The following ZSCAN25 variants were observed in gnomAD, a reference collection of about 807,000 sequenced individuals.
The protein encoded by ZSCAN25 is zinc finger and SCAN domain-containing protein 25.
Under a neutral mutation model 38.7 loss-of-function variants are expected in ZSCAN25, and 27 were observed. The ratio of observed to expected loss-of-function variants is 0.70; its 90% CI spans 0.51 to 0.96. The LOEUF is 0.96. Among genes scored for constraint, ZSCAN25 ranks in the 40% least tolerant of loss-of-function variants. The pLI is 0.00. For missense variants in ZSCAN25, 637 were observed against 705.9 expected (o/e 0.90, Z 1.11); for synonymous variants, 273 against 277.7 (o/e 0.98, Z 0.17).
At chr7:99,636,700 ATGC>A (rs902663925), downstream of ZSCAN25, among the ~76,000 whole-genome samples, 16 of 152,232 alleles carry the variant, frequency 1.1e-4, no homozygotes, top group African/African-American at 3.9e-4. Flanking sequence ...TAGGAGCCAG[ATGC>A]TGCTTTACAA....
At chr7:99,681,949 TTTCAGTTTTG>T in the ZSCAN25 span, among the ~76,000 whole-genome samples, 13 of 152,228 alleles carry the variant, frequency 8.5e-5, no homozygotes, top group African/African-American at 3.1e-4. Context: ...AGGTCTCAGA[TTTCAGTTTTG>T]TTTTTTGTTT....
the ZSCAN25 span, chr7:99,680,075 C>A: frequency 1.5e-5 from 9 of 611,178 alleles, no homozygotes; most frequent in African/African-American, 3.7e-5. Flanking sequence ...AGCAAAGAAT[C>A]GCACACACCC....
At chr7:99,685,244 G>A in the ZSCAN25 span, 5 of 1,613,294 alleles carry the variant, frequency 3.1e-6, no homozygotes, top group Middle Eastern at 3.3e-4. Flanking sequence ...ATCTGCAACA[G>A]TTAAACAAGC....
chr7:99,687,359 G>A, the ZSCAN25 span, among the ~76,000 whole-genome samples: 1 of 152,246 alleles, frequency 6.6e-6, no homozygotes, highest in African/African-American at 2.4e-5. Context: ...CAAGGATTGA[G>A]AACTACATGA....
At chr7:99,651,334 A>G in the ZSCAN25 span, among the ~76,000 whole-genome samples, 1 of 152,234 alleles carries the variant, frequency 6.6e-6, no homozygotes, top group African/African-American at 2.4e-5. Context: ...ATGGATTTAT[A>G]TAAATCATAT....
chr7:99,666,097 C>T, the ZSCAN25 span, among the ~76,000 whole-genome samples: 3 of 152,148 alleles, frequency 2.0e-5, no homozygotes, highest in Non-Finnish European at 2.9e-5. Flanking sequence ...GCATTTCTAG[C>T]ACCCTTTCTT....
the ZSCAN25 span, chr7:99,666,930 A>G: frequency 6.2e-7 from 1 of 1,610,468 alleles, no homozygotes; most frequent in Non-Finnish European, 8.5e-7. Flanking sequence ...ATTTCTAATT[A>G]AGACTCATCT....
chr7:99,657,607 T>G, the ZSCAN25 span, among the ~76,000 whole-genome samples: 1 of 152,248 alleles, frequency 6.6e-6, no homozygotes, highest in Non-Finnish European at 1.5e-5. Flanking sequence ...GTCCACTTTG[T>G]GCAGAGCTGA....
At chr7:99,732,472 T>A in the ZSCAN25 span, among the ~76,000 whole-genome samples, 1 of 152,144 alleles carries the variant, frequency 6.6e-6, no homozygotes, top group Non-Finnish European at 1.5e-5. Flanking sequence ...TACAAAGCAG[T>A]CAGTTTATTG....
chr7:99,690,291 T>C, the ZSCAN25 span, among the ~76,000 whole-genome samples: 1 of 152,150 alleles, frequency 6.6e-6, no homozygotes. Flanking sequence ...ATACAAAAAT[T>C]AATTCAAGAT....
the ZSCAN25 span, among the ~76,000 whole-genome samples, chr7:99,668,066 C>T: frequency 2.0e-5 from 3 of 152,004 alleles, no homozygotes; most frequent in African/African-American, 7.2e-5. Flanking sequence ...ATTTCTAGAA[C>T]GAATAGGTAA....
the ZSCAN25 span, among the ~76,000 whole-genome samples, chr7:99,733,083 A>C: frequency 1.3e-5 from 2 of 152,316 alleles, no homozygotes; most frequent in East Asian, 3.9e-4. Context: ...CCAATAGTGC[A>C]TTTGGATCCT....
chr7:99,676,619 G>A, the ZSCAN25 span: 1 of 1,234,268 alleles, frequency 8.1e-7, no homozygotes, highest in African/African-American at 1.5e-5. Context: ...TTGCACTGAT[G>A]ATGAGATTTT....
At chr7:99,737,369 TC>T in the ZSCAN25 span, among the ~76,000 whole-genome samples, 1 of 152,176 alleles carries the variant, frequency 6.6e-6, no homozygotes, top group African/African-American at 2.4e-5. Flanking sequence ...AGATTCGTGT[TC>T]CTGTCTCAAG....
chr7:99,672,464 C>T, the ZSCAN25 span: 2 of 856,382 alleles, frequency 2.3e-6, no homozygotes, highest in East Asian at 5.0e-5. Context: ...ATGAAGAGTA[C>T]ATGGAACCTT....
chr7:99,635,448 A>G (rs116018393), downstream of ZSCAN25, among the ~76,000 whole-genome samples: 616 of 152,276 alleles, frequency 4.0e-3, 2 homozygotes, highest in African/African-American at 0.014. Context: ...CCAGTCACCA[A>G]TGATTATTGT....
chr7:99,665,232 G>A, the ZSCAN25 span: 5 of 1,613,594 alleles, frequency 3.1e-6, no homozygotes, highest in African/African-American at 5.3e-5. Context: ...TCCACAAAGG[G>A]GTCTTGTGGA....
chr7:99,625,407 G>A (rs1807385293), intron 7 of ZSCAN25, among the ~76,000 whole-genome samples: 1 of 152,176 alleles, frequency 6.6e-6, no homozygotes, highest in Non-Finnish European at 1.5e-5. Context: ...AAAAATAAAG[G>A]CGCTTGCCTG....
the ZSCAN25 span, chr7:99,652,930 A>G: frequency 1.6e-6 from 1 of 640,134 alleles, no homozygotes; most frequent in East Asian, 2.8e-5. Flanking sequence ...AATAACTGGC[A>G]TGTCCATTGA....
Sources: allele counts gnomAD v4.1 joint callset (sites outside exome capture counted in the v4.1 genomes callset), GRCh38; gene constraint gnomAD v4.1.1; transcripts MANE v1.5; gene names NCBI Gene and HGNC (gene_info 2026-07-23, HGNC 2026-07-21).